VRK1: variants seen among roughly 807,000 people sequenced by gnomAD.
VRK1 encodes serine/threonine-protein kinase VRK1.
In VRK1, 33 loss-of-function variants were observed where a neutral mutation model predicts 57.1. That is an observed-to-expected ratio of 0.58 (90% CI 0.44 to 0.77). The LOEUF is 0.77. Among genes scored for constraint, VRK1 ranks in the 30% least tolerant of loss-of-function variants. The pLI, the probability that VRK1 is intolerant of heterozygous loss-of-function variation, is 0.00. For synonymous variants in VRK1, 137 were observed against 147.8 expected (o/e 0.93, Z 0.53); for missense variants, 413 against 477.3 (o/e 0.87, Z 1.25).
intron 2 of VRK1, among the ~76,000 whole-genome samples, chr14:96,837,005 A>T (rs925650174): frequency 1.3e-5 from 2 of 152,110 alleles, no homozygotes; most frequent in Admixed American, 1.3e-4. Context: ...CCTCTATAGC[A>T]CTTCACACTG....
chr14:96,842,444 T>C (rs774614034), intron 3 of VRK1, among the ~76,000 whole-genome samples: 1 of 152,248 alleles, frequency 6.6e-6, no homozygotes, highest in Admixed American at 6.5e-5. Context: ...CATGTACTAC[T>C]CTTTGGGGAA....
At position 96,823,931 on chromosome 14, in the gene VRK1, G is replaced by A. The variant is rs115483211; in HGVS notation, c.-5-9536G>A. Among the ~76,000 whole-genome samples the A allele has an allele frequency of 3.9e-3, 601 of 152,240 alleles. 7 individuals carry two copies. The highest frequency in any genetic ancestry group is 0.014 in the African/African-American group (576 of 41,540). On this transcript the variant is annotated intron_variant, in intron 1 of 12. Transcript: ENST00000216639. ...ACATTTATTCATTCATCTGTTAATG[G>A]ACACTCAGGTTGCTTCCACCTTTTA...
At chr14:96,872,600 G>C (rs1888867069) in intron 11 of VRK1, among the ~76,000 whole-genome samples, 1 of 152,158 alleles carries the variant, frequency 6.6e-6, no homozygotes, top group Admixed American at 6.5e-5. Flanking sequence ...ATAGTGCTGT[G>C]GAAAGGAAAT....
Position 96,852,817 on chromosome 14 carries a change from A to C in VRK1, c.375-14A>C, listed in dbSNP as rs551029072. 1 of 1,607,680 alleles carries C rather than the reference A, an allele frequency of 6.2e-7. No homozygotes were observed. Among genetic ancestry groups the C allele is most frequent in the Admixed American group, 1.7e-5 (1 of 59,998 alleles). ...ATTGTATTTTGTTCATTGGCTTTTC[A>C]TATTTGTCTTCAGTTACAGGTTTAT... On this transcript the variant is annotated splice_polypyrimidine_tract_variant and intron_variant, in intron 5 of 12. Transcript: ENST00000216639.
intron 11 of VRK1, among the ~76,000 whole-genome samples, chr14:96,870,977 T>C (rs575103534): frequency 5.3e-5 from 8 of 152,236 alleles, no homozygotes; most frequent in Admixed American, 5.2e-4. Flanking sequence ...CTGAAAAAAA[T>C]GTGTTGCGCA....
At chr14:96,847,386 A>G (rs753327226) in intron 5 of VRK1, 42 bp downstream of exon 5, 11 of 1,517,366 alleles carry the variant, frequency 7.2e-6, no homozygotes, top group Non-Finnish European at 1.0e-5. Context: ...CCCTTTTGCA[A>G]CATTCACTAT....
chr14:96,812,878 C>G (rs182570012), intron 1 of VRK1, among the ~76,000 whole-genome samples: 13 of 152,236 alleles, frequency 8.5e-5, no homozygotes, highest in African/African-American at 3.1e-4. Context: ...GAACTCTGCT[C>G]CTTTTCCTAC....
At chr14:96,845,706 G>A (rs1177855363) in intron 3 of VRK1, among the ~76,000 whole-genome samples, 1 of 152,102 alleles carries the variant, frequency 6.6e-6, no homozygotes, top group Non-Finnish European at 1.5e-5. Flanking sequence ...GGTTAAATTA[G>A]GTATTGAAAT....
rs190970305 is a variant in VRK1, at chr14:96,840,801, A to G, written c.216+2984A>G. On this transcript the variant is annotated intron_variant, in intron 3 of 12. Transcript: ENST00000216639. ...CTTGGAAGGAAAGTGTGCCAGTGTC[A>G]TATCTTAAAGGTGGAACAGTGTATA... 2.9e-4 allele frequency among the ~76,000 whole-genome samples: 44 copies of G among 151,366 alleles called. No individual in the cohort carries two copies. In the East Asian group the frequency reaches 8.5e-3, roughly 29 times the overall value.
chr14:96,865,321 C>T (rs577142460), intron 11 of VRK1, among the ~76,000 whole-genome samples: 261 of 152,260 alleles, frequency 1.7e-3, no homozygotes, highest in African/African-American at 5.9e-3. Flanking sequence ...CGTGTCCTTA[C>T]AGCATTGCAG....
Position 96,833,973 on chromosome 14 carries a change from C to T in VRK1, c.160+342C>T, listed in dbSNP as rs538870255. ...CCACCTATGTGGGATTTATTCCCTC[C>T]GTGTTTGTCTGATTTAGAGGTTTGC... On this transcript the variant is annotated intron_variant, in intron 2 of 12. Transcript: ENST00000216639. Among the ~76,000 whole-genome samples, 15 of 152,266 alleles carry T rather than the reference C, an allele frequency of 9.9e-5. 1 individual carries two copies. The East Asian group carries it at 1.4e-3, about 14-fold the overall frequency.
chr14:96,841,834 C>CAA (rs397933004), intron 3 of VRK1, among the ~76,000 whole-genome samples: 6,632 of 136,100 alleles, frequency 0.049, 176 homozygotes, highest in Non-Finnish European at 0.066. Flanking sequence ...GACTCTATCT[C>CAA]AAAAAAAAAA....
rs1888104749 is a variant in VRK1, at chr14:96,855,226, G to T, written c.579G>T (p.Val193=). The T allele has an allele frequency of 1.2e-6, 2 of 1,613,756 alleles. No individual in the cohort carries two copies. Among genetic ancestry groups the T allele is most frequent in the Admixed American group, 1.7e-5 (1 of 59,982 alleles). The change falls in exon 8 of 13, where the codon GTG becomes GTT. Residue 193 remains valine, a splice_region_variant and synonymous_variant. Coordinates refer to ENST00000216639, the MANE Select transcript of VRK1 (RefSeq NM_003384.3). ...TCTTGGTGCTTGGAAATTTATAGGTGTACTTGGTAGATTATGGCCTTGCTT... is the reference window on the plus strand; with the variant it reads ...TCTTGGTGCTTGGAAATTTATAGGTTTACTTGGTAGATTATGGCCTTGCTT... ...LLLNYKNPDQ[V]YLVDYGLAYR... is the part of the protein sequence containing the mutation.
chr14:96,801,979 G>A (rs1233103347), intron 1 of VRK1, among the ~76,000 whole-genome samples: 1 of 152,084 alleles, frequency 6.6e-6, no homozygotes, highest in Non-Finnish European at 1.5e-5. Context: ...AGGGTCAGCT[G>A]TATGCATTTT....
intron 11 of VRK1, among the ~76,000 whole-genome samples, chr14:96,866,946 T>C (rs991475200): frequency 6.6e-6 from 1 of 152,206 alleles, no homozygotes; most frequent in African/African-American, 2.4e-5. Context: ...TTTTAATTTG[T>C]TTATGTGTGT....
intron 2 of VRK1, among the ~76,000 whole-genome samples, chr14:96,835,674 T>G (rs1887184325): frequency 3.3e-5 from 5 of 152,238 alleles, no homozygotes; most frequent in Admixed American, 3.3e-4. Context: ...ATGACAGCCT[T>G]GAAGCCAGAA....
intron 1 of VRK1, among the ~76,000 whole-genome samples, chr14:96,821,290 A>G (rs1425884026): frequency 1.3e-5 from 2 of 152,180 alleles, no homozygotes; most frequent in Non-Finnish European, 2.9e-5. Flanking sequence ...ATTTCCTGGC[A>G]AACTAAATAG....
intron 11 of VRK1, among the ~76,000 whole-genome samples, chr14:96,868,283 A>G (rs898419818): frequency 2.6e-5 from 4 of 152,146 alleles, no homozygotes; most frequent in African/African-American, 9.7e-5. Flanking sequence ...CCTTAGTTGC[A>G]TATTATAATA....
intron 1 of VRK1, among the ~76,000 whole-genome samples, chr14:96,821,293 C>G (rs933234209): frequency 1.3e-5 from 2 of 152,166 alleles, no homozygotes; most frequent in East Asian, 1.9e-4. Flanking sequence ...TCCTGGCAAA[C>G]TAAATAGCTA....
Sources: gnomAD v4.1 joint callset for allele counts (sites outside exome capture counted in the v4.1 genomes callset) on GRCh38, gnomAD v4.1.1 for gene constraint, MANE v1.5 for transcripts, NCBI Gene and HGNC (gene_info 2026-07-23, HGNC 2026-07-21) for gene names.